The following LMF1 variants were observed in gnomAD, a reference collection of about 807,000 sequenced individuals.
The protein encoded by LMF1 is lipase maturation factor 1, also known as transmembrane protein 112.
In LMF1, 68 loss-of-function variants were observed where a neutral mutation model predicts 60.6. That is an observed-to-expected ratio of 1.12 (90% confidence interval 0.92 to 1.37). LMF1 has a LOEUF of 1.37. Among genes scored for constraint, LMF1 ranks in the 40% most tolerant of loss-of-function variants. The pLI is 0.00. For missense variants in LMF1, 948 were observed against 767.2 expected, an observed-to-expected ratio of 1.24 and a Z score of -2.78; for synonymous variants, 418 against 324.7, an observed-to-expected ratio of 1.29 and a Z score of -3.09.
chr16:913,465 C>T (rs2071179435), intron 3 of LMF1, among the ~76,000 whole-genome samples: 2 of 152,270 alleles, frequency 1.3e-5, no homozygotes, highest in South Asian at 4.1e-4. Flanking sequence ...AACTCCTGCC[C>T]TGGCGCCTCG....
rs537501727 is a variant in LMF1, at chr16:966,632, C to T, written c.193+4156G>A. Among the ~76,000 whole-genome samples the T allele has an allele frequency of 3.3e-5, 5 of 152,366 alleles. 1 individual carries two copies. Among genetic ancestry groups the T allele is most frequent in the African/African-American group, 4.8e-5 (2 of 41,586 alleles). On this transcript the variant is annotated intron_variant, in intron 1 of 10. Transcript: ENST00000262301. ...GATATATATACTCCGTGGCTGCCTG[C>T]GAGCCGTCTCCCAGGCGGGTGTGTC...
At chr16:870,431 G>T (rs1017909378) in intron 8 of LMF1, among the ~76,000 whole-genome samples, 16 of 152,232 alleles carry the variant, frequency 1.1e-4, no homozygotes, top group South Asian at 2.1e-4. Flanking sequence ...TTCCCACGCA[G>T]GGGGTTGGGG....
intron 3 of LMF1, among the ~76,000 whole-genome samples, chr16:928,327 C>A (rs181724576): frequency 2.6e-5 from 4 of 152,314 alleles, no homozygotes; most frequent in Admixed American, 1.3e-4. Context: ...TGGCATTGGC[C>A]TTCCAGAAGA....
chr16:937,096 A>G (rs2071968895), intron 2 of LMF1, among the ~76,000 whole-genome samples: 1 of 152,206 alleles, frequency 6.6e-6, no homozygotes, highest in African/African-American at 2.4e-5. Context: ...CTGCCTTCAC[A>G]TCGGCTGAGG....
intron 1 of LMF1, among the ~76,000 whole-genome samples, chr16:966,776 A>T (rs1301564469): frequency 6.6e-6 from 1 of 152,218 alleles, no homozygotes; most frequent in African/African-American, 2.4e-5. Flanking sequence ...AACTTGGCCA[A>T]GGCCACACAG....
chr16:971,796 G>C (rs1210846725), upstream of LMF1, among the ~76,000 whole-genome samples: 1 of 152,228 alleles, frequency 6.6e-6, no homozygotes, highest in African/African-American at 2.4e-5. Context: ...GCTAGAGTAG[G>C]CATTGGAGAC....
intron 5 of LMF1, among the ~76,000 whole-genome samples, chr16:888,747 C>T (rs2070386760): frequency 6.6e-6 from 1 of 151,780 alleles, no homozygotes; most frequent in African/African-American, 2.4e-5. Flanking sequence ...GGGGGGGGTC[C>T]TAGGTACAGG....
intron 10 of LMF1, among the ~76,000 whole-genome samples, chr16:865,511 G>A (rs541370688): frequency 1.3e-5 from 2 of 152,084 alleles, no homozygotes; most frequent in African/African-American, 2.4e-5. Context: ...CACCATACTC[G>A]CTCATTTTTT....
intron 5 of LMF1, among the ~76,000 whole-genome samples, chr16:883,417 T>A (rs1192583107): frequency 2.0e-5 from 3 of 152,274 alleles, no homozygotes; most frequent in Admixed American, 6.5e-5. Context: ...GCTGCTGCTC[T>A]AAGCCACTGA....
At chr16:914,279 A>G (rs573929170) in intron 3 of LMF1, among the ~76,000 whole-genome samples, 20 of 152,214 alleles carry the variant, frequency 1.3e-4, no homozygotes, top group African/African-American at 4.6e-4. Context: ...AGGTTGCTTC[A>G]GTACAAACCC....
At chr16:950,537 A>G (rs1454425493) in intron 2 of LMF1, among the ~76,000 whole-genome samples, 1 of 114,520 alleles carries the variant, frequency 8.7e-6, no homozygotes, top group Non-Finnish European at 1.7e-5. Flanking sequence ...AGTCAGAGCC[A>G]ATGACAGAGT....
chr16:940,094 C>A (rs1348692874), intron 2 of LMF1, among the ~76,000 whole-genome samples: 1 of 152,108 alleles, frequency 6.6e-6, no homozygotes, highest in Non-Finnish European at 1.5e-5. Flanking sequence ...CGTCCACAAG[C>A]CGGGGGTGCC....
Position 869,489 on chromosome 16 carries a change from C to T in LMF1, c.1416+394G>A, listed in dbSNP as rs554559981. 7.9e-5 allele frequency: 43 copies of T among 546,342 alleles called. No homozygotes were observed. The East Asian group carries it at 1.5e-3, about 18-fold the overall frequency. The allele number at this position is 546,342 out of a possible 1,614,324, so 33.8% of individuals were successfully genotyped here. The stretch of plus-strand genomic sequence containing the variant: ...CTCCGTCCCCCAGACTGGAAGGCAA[C>T]GCTGCCATCATTTGAGGCTGCAGCG... On this transcript the variant is annotated intron_variant, in intron 9 of 10. Coordinates refer to ENST00000262301, the MANE Select transcript of LMF1 (RefSeq NM_022773.4).
chr16:973,466 C>T (rs2073084096), upstream of LMF1, among the ~76,000 whole-genome samples: 1 of 152,176 alleles, frequency 6.6e-6, no homozygotes, highest in South Asian at 2.1e-4. Context: ...TTGCGTGAGC[C>T]CATTTACATG....
At chr16:898,184 G>A (rs181669135) in intron 4 of LMF1, among the ~76,000 whole-genome samples, 1 of 152,216 alleles carries the variant, frequency 6.6e-6, no homozygotes, top group Non-Finnish European at 1.5e-5. Context: ...CTGGCTCATC[G>A]ACACTGGCTG....
rs763216124 is a variant in LMF1, at chr16:854,521, C to G, written c.*11G>C. Reference sequence around the variant, plus strand: ...AGGGGCTGGGTCTTCGCCTTTATTTCTGGTGCACGTCTAGAGGGGCCCGGG... The same window carrying G: ...AGGGGCTGGGTCTTCGCCTTTATTTGTGGTGCACGTCTAGAGGGGCCCGGG... On this transcript the variant is annotated 3_prime_UTR_variant, in exon 11 of 11. Transcript: ENST00000262301. The G allele has an allele frequency of 2.5e-6, 4 of 1,604,122 alleles. No individual in the cohort carries two copies. The highest frequency in any genetic ancestry group is 3.4e-6 in the Non-Finnish European group (4 of 1,178,094).
intron 5 of LMF1, among the ~76,000 whole-genome samples, chr16:889,613 A>AC (rs1214628058): frequency 6.6e-6 from 1 of 152,020 alleles, no homozygotes; most frequent in East Asian, 1.9e-4. Context: ...AGAAAGGGGC[A>AC]CCCCCCTCTG....
chr16:916,846 T>C (rs2151761760), intron 3 of LMF1, among the ~76,000 whole-genome samples: 1 of 152,352 alleles, frequency 6.6e-6, no homozygotes, highest in Non-Finnish European at 1.5e-5. Flanking sequence ...ACCCCTCTCC[T>C]GGCAACTAGC....
chr16:957,645 G>A (rs1205072771), intron 1 of LMF1, among the ~76,000 whole-genome samples: 1 of 152,200 alleles, frequency 6.6e-6, no homozygotes, highest in Non-Finnish European at 1.5e-5. Flanking sequence ...GAAAAGAACA[G>A]AGGTGGAGGA....
Sources: allele counts gnomAD v4.1 joint callset (sites outside exome capture counted in the v4.1 genomes callset), GRCh38; gene constraint gnomAD v4.1.1; transcripts MANE v1.5; gene names NCBI Gene and HGNC (gene_info 2026-07-23, HGNC 2026-07-21).